The following ACTL6B variants were observed in gnomAD, a reference collection of about 807,000 sequenced individuals.
ACTL6B encodes the protein actin-like protein 6B.
Under a neutral mutation model 63.3 loss-of-function variants are expected in ACTL6B, and 48 were observed. The observed-to-expected ratio is 0.76, with a 90% CI of 0.60 to 0.96. ACTL6B has a LOEUF of 0.96. Among genes scored for constraint, ACTL6B ranks in the 50% least tolerant of loss-of-function variants. The probability of loss-of-function intolerance (pLI) is 0.00; values close to 1 mark genes in which losing one functional copy is unlikely to be tolerated. For missense variants in ACTL6B, 350 were observed against 572.2 expected (o/e 0.61, Z 3.96); for synonymous variants, 230 against 223.8 (o/e 1.03, Z -0.25).
chr7:100,646,336 C>G lies in ACTL6B; in HGVS notation c.1114-1G>C. On this transcript the variant is annotated splice_acceptor_variant, in intron 12 of 13. Transcript: ENST00000160382. LOFTEE classifies it high-confidence loss of function. This position sits in a 1 kb window ranked among gnomAD's most constrained non-coding sequence, Gnocchi z 6.1. The stretch of plus-strand genomic sequence containing the variant: ...TGGCAATGAGTTTCAGTCGCATGCT[C>G]TGGGGGTAAAAAGGGGCTGGGGGAA... 1.2e-6 allele frequency: 2 copies of G among 1,613,702 alleles called. No individual in the cohort carries two copies. The highest frequency in any genetic ancestry group is 1.7e-6 in the Non-Finnish European group (2 of 1,179,866).
At chr7:100,650,484 AACTC>A (rs1022635552) in intron 4 of ACTL6B, among the ~76,000 whole-genome samples, 3 of 151,114 alleles carry the variant, frequency 2.0e-5, no homozygotes, top group African/African-American at 4.9e-5. Context: ...TTCACACACA[AACTC>A]ACACACACAC....
chr7:100,654,359 T>A (rs988221778), intron 4 of ACTL6B, among the ~76,000 whole-genome samples: 5 of 151,136 alleles, frequency 3.3e-5, no homozygotes, highest in African/African-American at 1.2e-4. Flanking sequence ...GCTCAAGTGA[T>A]CCTCCTGCCT....
At chr7:100,656,224 C>T in intron 1 of ACTL6B, 106 bp downstream of exon 1, 1 of 1,276,548 alleles carries the variant, frequency 7.8e-7, no homozygotes, top group South Asian at 2.0e-5. Context: ...GAGACTCGAC[C>T]CGCTCGTGCG....
In ACTL6B at chr7:100,646,931, G is replaced by A. The variant is rs1220727614; in HGVS notation, c.936+40C>T. The A allele has an allele frequency of 1.2e-6, 2 of 1,605,892 alleles. No homozygotes were observed. The highest frequency in any genetic ancestry group is 8.5e-7 in the Non-Finnish European group (1 of 1,174,168). On this transcript the variant is annotated intron_variant, in intron 10 of 13. Transcript: ENST00000160382. The surrounding 1 kb of genome is among the most constrained non-coding windows in gnomAD (Gnocchi z 6.1). Reference sequence around the variant, plus strand: ...CCCCACGCCCCAGGATCCAGGGACTGCAGCCAGCACCCACCCCAGTCCTCG... The same window carrying A: ...CCCCACGCCCCAGGATCCAGGGACTACAGCCAGCACCCACCCCAGTCCTCG...
In ACTL6B at chr7:100,655,306, CAGA is replaced by C; in HGVS notation, c.268+112_268+114del. On this transcript the variant is annotated intron_variant, in intron 3 of 13. Transcript: ENST00000160382. This position sits in a 1 kb window ranked among gnomAD's most constrained non-coding sequence, Gnocchi z 4.4. ...ACCCAGCGAGAAGAACCCTGGCAGC[CAGA>C]AGAACCCTGGGGCTGCAAGGAAGAC... 7.4e-7 allele frequency: 1 copy of C among 1,354,232 alleles called. No homozygotes were observed. The highest frequency in any genetic ancestry group is 1.0e-6 in the Non-Finnish European group (1 of 985,602). The allele number at this position is 1,354,232 out of a possible 1,614,324, so 83.9% of individuals were successfully genotyped here. A position where few individuals can be genotyped will look rare whatever the true frequency, so the allele number is the denominator to read the frequency against.
chr7:100,654,264 A>T (rs1004850973), intron 4 of ACTL6B, among the ~76,000 whole-genome samples: 1 of 150,940 alleles, frequency 6.6e-6, no homozygotes, highest in East Asian at 2.0e-4. Flanking sequence ...GAGCCACCAC[A>T]CCCGGCAAAA....
intron 13 of ACTL6B, 56 bp from the exon 14 acceptor site, chr7:100,643,382 G>A: frequency 6.3e-7 from 1 of 1,582,860 alleles, no homozygotes; most frequent in Non-Finnish European, 8.7e-7. Flanking sequence ...GGTGTGGACA[G>A]GCAGGTGCAG....
Position 100,648,897 on chromosome 7 carries a change from C to T in ACTL6B, c.468-74G>A. Reference sequence around the variant, plus strand: ...CCTGGGCCCAGATCTTGTCTGGTCACTCTCTGCTCTACCGGGGTCCAGCCC... The same window carrying T: ...CCTGGGCCCAGATCTTGTCTGGTCATTCTCTGCTCTACCGGGGTCCAGCCC... On this transcript the variant is annotated intron_variant, in intron 5 of 13. Coordinates refer to ENST00000160382, the MANE Select transcript of ACTL6B (RefSeq NM_016188.5). This position sits in a 1 kb window ranked among gnomAD's most constrained non-coding sequence, Gnocchi z 4.4. The T allele has an allele frequency of 1.4e-6, 2 of 1,440,860 alleles. No homozygotes were observed. Among genetic ancestry groups the T allele is most frequent in the Non-Finnish European group, 9.4e-7 (1 of 1,063,738 alleles). The allele number at this position is 1,440,860 out of a possible 1,614,324, so 89.3% of individuals were successfully genotyped here.
At chr7:100,649,878 A>T (rs1803902045) in intron 5 of ACTL6B, 160 bp downstream of exon 5, 1 of 634,068 alleles carries the variant, frequency 1.6e-6, no homozygotes. Flanking sequence ...TGCTCAGTCC[A>T]CTGGGCCTTC....
At chr7:100,643,540 A>C (rs3757859) in intron 13 of ACTL6B, among the ~76,000 whole-genome samples, 18,740 of 152,120 alleles carry the variant, frequency 0.12, 1,482 homozygotes, top group South Asian at 0.24. Flanking sequence ...TCAATAATTC[A>C]TTCATTCAAC....
At position 100,655,423 on chromosome 7, in the gene ACTL6B, A is replaced by G. The variant is rs1192946892; in HGVS notation, c.266T>C (p.Met89Thr). Reference sequence around the variant, plus strand: ...GGTGATGGGTGGGGGCCCCTTACTCATGCCATTCTTGAGGGGCGACATGAC... The same window carrying G: ...GGTGATGGGTGGGGGCCCCTTACTCGTGCCATTCTTGAGGGGCGACATGAC... ...AEVMSPLKNGMIEDWECFRAI... is the reference protein window; with the variant it reads ...AEVMSPLKNGTIEDWECFRAI... Residue 89 changes from methionine (M) to threonine (T), a missense_variant and splice_region_variant, in exon 3 of 14, where the codon ATG (methionine) becomes ACG (threonine). Around this residue, in one of 3 missense-constraint regions of ACTL6B, gnomAD observed 250 missense variants for 364.7 expected, o/e 0.69. Transcript: ENST00000160382. The surrounding 1 kb of genome is among the most constrained non-coding windows in gnomAD (Gnocchi z 4.4). 3.7e-6 allele frequency: 6 copies of G among 1,613,568 alleles called. No individual in the cohort carries two copies. Among genetic ancestry groups the G allele is most frequent in the Non-Finnish European group, 5.1e-6 (6 of 1,179,738 alleles).
chr7:100,647,255 C>T lies in ACTL6B; in HGVS notation c.789G>A (p.Val263=). The T allele has an allele frequency of 6.2e-7, 1 of 1,613,408 alleles. No individual in the cohort carries two copies. Among genetic ancestry groups the T allele is most frequent in the Non-Finnish European group, 8.5e-7 (1 of 1,179,950 alleles). The change falls in exon 9 of 14, where the codon GTG becomes GTA. Residue 263 remains valine, a synonymous_variant. Coordinates refer to ENST00000160382, the MANE Select transcript of ACTL6B (RefSeq NM_016188.5). The surrounding 1 kb of genome is among the most constrained non-coding windows in gnomAD (Gnocchi z 4.4). Reference sequence around the variant, plus strand: ...CGTAGGGGGAGTCTGAGACCTGCAGCACGGAGGCCTGGAAGTCCTGGATCA... The same window carrying T: ...CGTAGGGGGAGTCTGAGACCTGCAGTACGGAGGCCTGGAAGTCCTGGATCA... ...NEVIQDFQAS[V]LQVSDSPYDE...
chr7:100,650,419 G>A (rs1803919023), intron 4 of ACTL6B, among the ~76,000 whole-genome samples: 2 of 150,898 alleles, frequency 1.3e-5, no homozygotes, highest in South Asian at 4.2e-4. Flanking sequence ...ATACACTCAC[G>A]GTCACACATG....
At chr7:100,653,484 TA>T (rs201517150) in intron 4 of ACTL6B, among the ~76,000 whole-genome samples, 1 of 151,986 alleles carries the variant, frequency 6.6e-6, no homozygotes, top group East Asian at 1.9e-4. Flanking sequence ...ACCCTGTCTC[TA>T]AAAAAAATTT....
intron 1 of ACTL6B, among the ~76,000 whole-genome samples, chr7:100,656,111 G>A (rs1804035493): frequency 1.3e-5 from 2 of 152,374 alleles, no homozygotes; most frequent in South Asian, 4.1e-4. Flanking sequence ...GACGGGAAAG[G>A]AAGGGGCCCG....
Position 100,648,819 on chromosome 7 carries a change from C to G in ACTL6B, c.472G>C (p.Ala158Pro). The change falls in exon 6 of 14, where the codon GCA becomes CCA. Residue 158 changes from alanine (A) to proline (P), a missense_variant. This residue lies in a region of ACTL6B where 250 missense variants were observed against 364.7 expected (regional missense o/e 0.69). Transcript: ENST00000160382. This position sits in a 1 kb window ranked among gnomAD's most constrained non-coding sequence, Gnocchi z 4.4. ...ACGAGGCCAGTGGACCGCCCGTTTG[C>G]AAAGCTGGCATCGGATGGGTAAGTC... is the stretch of plus-strand genomic sequence containing the variant. ...LCKTAVLTAF[A>P]NGRSTGLVLD... The G allele has an allele frequency of 6.2e-7, 1 of 1,613,412 alleles. No homozygotes were observed. Among genetic ancestry groups the G allele is most frequent in the East Asian group, 2.2e-5 (1 of 44,844 alleles).
chr7:100,650,074 G>A lies in ACTL6B; in HGVS notation c.431C>T (p.Pro144Leu). ...AGCCGTCTTGCATAAGAAGAAGGCA[G>A]GAATGTTGTACTGCTCGAACATCAG... ...TELMFEQYNI[P>L]AFFLCKTAVL... Residue 144 changes from proline (P) to leucine (L), a missense_variant, in exon 5 of 14, where the codon CCT (proline) becomes CTT (leucine). By Grantham distance (98) the Pro-to-Leu change is moderately conservative (BLOSUM62 -3). Coordinates refer to ENST00000160382, the MANE Select transcript of ACTL6B (RefSeq NM_016188.5). 1 of 1,613,998 alleles carries A rather than the reference G, an allele frequency of 6.2e-7. No individual in the cohort carries two copies. The highest frequency in any genetic ancestry group is 8.5e-7 in the Non-Finnish European group (1 of 1,180,006).
In ACTL6B at chr7:100,647,733, G is replaced by A. The variant is rs943656829; in HGVS notation, c.670-200C>T. The stretch of plus-strand genomic sequence containing the variant: ...CTCTCTCCATGTGTGCCTTTCATGC[G>A]GTGGGTGCAGCTGATCTGGAGAACA... On this transcript the variant is annotated intron_variant, in intron 7 of 13. Transcript: ENST00000160382. This position sits in a 1 kb window ranked among gnomAD's most constrained non-coding sequence, Gnocchi z 4.4. 2 of 548,070 alleles carry A rather than the reference G, an allele frequency of 3.6e-6. No individual in the cohort carries two copies. Among genetic ancestry groups the A allele is most frequent in the Non-Finnish European group, 6.5e-6 (2 of 309,898 alleles). The allele number at this position is 548,070 out of a possible 1,614,324, so 34.0% of individuals were successfully genotyped here.
chr7:100,645,876 C>T lies in ACTL6B; in HGVS notation c.1200+373G>A, dbSNP rs990517963. On this transcript the variant is annotated intron_variant, in intron 13 of 13. Transcript: ENST00000160382. ...CGAACTCCTGAGCTCAAGTGATCCA[C>T]CCGTCTCGGCCTCCCAAACTGCAGG... Among the ~76,000 whole-genome samples the T allele has an allele frequency of 2.0e-5, 3 of 152,200 alleles. No individual in the cohort carries two copies. The East Asian group carries it at 5.8e-4, about 29-fold the overall frequency.
Sources: allele counts gnomAD v4.1 joint callset (sites outside exome capture counted in the v4.1 genomes callset), GRCh38; gene constraint gnomAD v4.1.1; regional missense constraint gnomAD v4.1.1; non-coding constraint Gnocchi (gnomAD v3.1); transcripts MANE v1.5; gene names NCBI Gene and HGNC (gene_info 2026-07-23, HGNC 2026-07-21).